The following KCNMB2 variants were observed in gnomAD, a reference collection of about 807,000 sequenced individuals.
KCNMB2 encodes potassium calcium-activated channel subfamily M regulatory beta subunit 2.
Under a neutral mutation model 24.5 loss-of-function variants are expected in KCNMB2, and 9 were observed. That is an observed-to-expected ratio of 0.37 (90% confidence interval 0.22 to 0.64). The LOEUF is 0.64. Ranked by LOEUF, KCNMB2 falls within the 30% of genes least tolerant of loss-of-function variation. KCNMB2 has a pLI of 0.63. For missense variants in KCNMB2, 226 were observed against 284.3 expected, an observed-to-expected ratio of 0.79 and a Z score of 1.47; for synonymous variants, 109 against 104.4, an observed-to-expected ratio of 1.04 and a Z score of -0.27.
chr3:178,688,831 C>G (rs1721563633), intron 1 of KCNMB2, among the ~76,000 whole-genome samples: 2 of 152,196 alleles, frequency 1.3e-5, no homozygotes, highest in South Asian at 4.1e-4. Flanking sequence ...ACAGACTTAA[C>G]TAAAGGTGGT....
intron 1 of KCNMB2, among the ~76,000 whole-genome samples, chr3:178,654,359 G>A (rs1720243693): frequency 6.6e-6 from 1 of 152,072 alleles, no homozygotes; most frequent in Non-Finnish European, 1.5e-5. Flanking sequence ...GTCAACATAT[G>A]AGGGACATAG....
chr3:178,595,447 T>C (rs909752965), intron 1 of KCNMB2, among the ~76,000 whole-genome samples: 1 of 152,066 alleles, frequency 6.6e-6, no homozygotes, highest in Admixed American at 6.6e-5. Context: ...TTTGGCTGTG[T>C]CTCCACCCAA....
At chr3:178,742,899 T>A (rs888073621) in intron 1 of KCNMB2, among the ~76,000 whole-genome samples, 1 of 152,144 alleles carries the variant, frequency 6.6e-6, no homozygotes, top group African/African-American at 2.4e-5. Context: ...AGAGGGAGAC[T>A]TGGTAAACAT....
chr3:178,782,404 C>A (rs1712894784), intron 1 of KCNMB2, among the ~76,000 whole-genome samples: 1 of 151,724 alleles, frequency 6.6e-6, no homozygotes, highest in Admixed American at 6.6e-5. Flanking sequence ...TACAGTCCCA[C>A]CAACAGTGTA....
intron 1 of KCNMB2, among the ~76,000 whole-genome samples, chr3:178,601,550 C>T (rs1379780359): frequency 6.6e-6 from 1 of 152,162 alleles, no homozygotes; most frequent in Non-Finnish European, 1.5e-5. Context: ...AGAAAGAACA[C>T]TTCTACAAGA....
intron 1 of KCNMB2, among the ~76,000 whole-genome samples, chr3:178,589,446 C>CT (rs1382738757): frequency 3.3e-5 from 5 of 151,962 alleles, no homozygotes; most frequent in Non-Finnish European, 7.4e-5. Flanking sequence ...TGGTTTTTTC[C>CT]TTGGGGGGAG....
chr3:178,562,087 A>G (rs558532985), intron 1 of KCNMB2, among the ~76,000 whole-genome samples: 1 of 152,366 alleles, frequency 6.6e-6, no homozygotes, highest in South Asian at 2.1e-4. Context: ...GCAATGCTAT[A>G]TATACAGATC....
At chr3:178,587,292 G>A (rs943353585) in intron 1 of KCNMB2, among the ~76,000 whole-genome samples, 1 of 152,032 alleles carries the variant, frequency 6.6e-6, no homozygotes, top group African/African-American at 2.4e-5. Flanking sequence ...AAATTTTCCA[G>A]CAGAAATGGA....
At chr3:178,625,895 C>T (rs6802120) in intron 1 of KCNMB2, among the ~76,000 whole-genome samples, 26,559 of 152,170 alleles carry the variant, frequency 0.17, 2,366 homozygotes, top group East Asian at 0.24. Context: ...ACATGACTCA[C>T]CCTATAGAGT....
intron 1 of KCNMB2, among the ~76,000 whole-genome samples, chr3:178,743,173 G>A (rs1723551412): frequency 6.6e-6 from 1 of 152,148 alleles, no homozygotes; most frequent in African/African-American, 2.4e-5. Context: ...ATGTAACAAT[G>A]TTCTTGCTTG....
At chr3:178,763,736 A>G (rs1712006527) in intron 1 of KCNMB2, among the ~76,000 whole-genome samples, 1 of 152,194 alleles carries the variant, frequency 6.6e-6, no homozygotes, top group Non-Finnish European at 1.5e-5. Context: ...GAGAGAATCA[A>G]ACGAAACACA....
intron 1 of KCNMB2, among the ~76,000 whole-genome samples, chr3:178,624,598 CT>C (rs1553822970): frequency 0.028 from 1,067 of 38,710 alleles, 8 homozygotes; most frequent in African/African-American, 0.096. Context: ...TTTTTTCTTT[CT>C]TTTTTTTTTT....
At chr3:178,719,136 G>C (rs1216538868) in intron 1 of KCNMB2, among the ~76,000 whole-genome samples, 1 of 152,176 alleles carries the variant, frequency 6.6e-6, no homozygotes, top group Non-Finnish European at 1.5e-5. Context: ...GCTTAGCCCA[G>C]CTTCTTGCAT....
intron 1 of KCNMB2, among the ~76,000 whole-genome samples, chr3:178,753,194 C>T (rs541367951): frequency 7.9e-5 from 12 of 152,238 alleles, no homozygotes; most frequent in Middle Eastern, 3.4e-3. Flanking sequence ...CTGTAGTAAC[C>T]GTAGTAATGA....
chr3:178,803,445 C>A (rs1713848878), intron 1 of KCNMB2, among the ~76,000 whole-genome samples: 1 of 152,136 alleles, frequency 6.6e-6, no homozygotes, highest in Admixed American at 6.5e-5. Context: ...AGAAAGGAAA[C>A]ATCAACTGCA....
At chr3:178,543,625 T>C (rs1052543493) in intron 1 of KCNMB2, among the ~76,000 whole-genome samples, 1 of 152,222 alleles carries the variant, frequency 6.6e-6, no homozygotes, top group African/African-American at 2.4e-5. Flanking sequence ...AGGTTAAACT[T>C]TCCTTTTCTT....
At chr3:178,571,447 G>GATATATATATAT (rs71181237) in intron 1 of KCNMB2, among the ~76,000 whole-genome samples, 51 of 91,090 alleles carry the variant, frequency 5.6e-4, no homozygotes, top group East Asian at 1.2e-3. Context: ...TTTCCTTATG[G>GATATATATATAT]ATATATATAT....
intron 1 of KCNMB2, among the ~76,000 whole-genome samples, chr3:178,562,592 G>C (rs1716363245): frequency 6.6e-6 from 1 of 152,174 alleles, no homozygotes; most frequent in Non-Finnish European, 1.5e-5. Context: ...GTAATGCCTT[G>C]GTGCAAGTGG....
At chr3:178,776,656 A>G (rs1002339169) in intron 1 of KCNMB2, among the ~76,000 whole-genome samples, 1 of 152,122 alleles carries the variant, frequency 6.6e-6, no homozygotes, top group Admixed American at 6.6e-5. Flanking sequence ...CTGACTCTTC[A>G]CTCACAATTT....
Sources: gnomAD v4.1 joint callset for allele counts (sites outside exome capture counted in the v4.1 genomes callset) on GRCh38, gnomAD v4.1.1 for gene constraint, MANE v1.5 for transcripts, NCBI Gene and HGNC (gene_info 2026-07-23, HGNC 2026-07-21) for gene names.